Variants in MIB1 observed in about 807,000 individuals in gnomAD.
MIB1 encodes the protein E3 ubiquitin-protein ligase MIB1.
MIB1 carries 278 observed loss-of-function variants against 124.5 expected under a neutral mutation model. That is an observed-to-expected ratio of 2.23 (90% confidence interval 2.02 to 2.47). MIB1 has a LOEUF of 2.47. Ranked by LOEUF, MIB1 falls within the 30% of genes most tolerant of loss-of-function variation. The probability of loss-of-function intolerance (pLI) is 0.00; values close to 1 mark genes in which losing one functional copy is unlikely to be tolerated. For synonymous variants in MIB1, 446 were observed against 429.4 expected, an observed-to-expected ratio of 1.04 and a Z score of -0.48; for missense variants, 957 against 1,254.4, an observed-to-expected ratio of 0.76 and a Z score of 3.58.
Position 21,787,965 on chromosome 18 carries a change from G to A in MIB1, c.909-3409G>A, listed in dbSNP as rs538549310. ...TCCTCTTTTTCTCCCTTGTTACCTG[G>A]ATTAATTCCTCTACATCCTATAAAT... On this transcript the variant is annotated intron_variant, in intron 6 of 20. Transcript: ENST00000261537. Among the ~76,000 whole-genome samples the A allele has an allele frequency of 3.3e-5, 5 of 151,914 alleles. No individual in the cohort carries two copies. The South Asian group carries it at 1.0e-3, about 32-fold the overall frequency.
intron 1 of MIB1, among the ~76,000 whole-genome samples, chr18:21,758,726 G>A (rs1452315962): frequency 6.6e-6 from 1 of 152,070 alleles, no homozygotes; most frequent in African/African-American, 2.4e-5. Context: ...GTAGAGACAG[G>A]GTTTCACTAT....
chr18:21,717,801 T>G (rs978612496), intron 1 of MIB1, among the ~76,000 whole-genome samples: 2 of 152,234 alleles, frequency 1.3e-5, no homozygotes, highest in Admixed American at 1.3e-4. Flanking sequence ...CTGGTGGGAA[T>G]GTAAACTAGT....
Position 21,835,986 on chromosome 18 carries a change from TG to T in MIB1, c.1830-2378del, listed in dbSNP as rs1266955089. On this transcript the variant is annotated intron_variant, in intron 12 of 20. Transcript: ENST00000261537. ...TTTTTAGATTGGGCATGGTGGGTCA[TG>T]CTTGTAATCCCAGCACTTTGGGAGG... Among the ~76,000 whole-genome samples the T allele has an allele frequency of 9.9e-5, 15 of 151,456 alleles. No individual in the cohort carries two copies. The South Asian group carries it at 3.2e-3, about 32-fold the overall frequency.
chr18:21,760,379 GAAGTCAA>G (rs2041084503), intron 1 of MIB1, among the ~76,000 whole-genome samples: 1 of 152,058 alleles, frequency 6.6e-6, no homozygotes, highest in Non-Finnish European at 1.5e-5. Context: ...CTTTTGTTTT[GAAGTCAA>G]TTAATTGTAT....
chr18:21,817,583 G>T (rs939437785), intron 11 of MIB1: 1 of 344,694 alleles, frequency 2.9e-6, no homozygotes, highest in Non-Finnish European at 5.8e-6. Context: ...AATGGGTGTG[G>T]CTGTGTTCCA....
Position 21,858,654 on chromosome 18 carries a change from T to G in MIB1, c.2880+8T>G. ...CAAGACATTAAAGAGCAGGTAATAA[T>G]GATTTCATGTAAACAGTGATGCTGT... On this transcript the variant is annotated splice_region_variant and intron_variant, in intron 20 of 20. Coordinates refer to ENST00000261537, the MANE Select transcript of MIB1 (RefSeq NM_020774.4). 7.1e-7 allele frequency: 1 copy of G among 1,402,012 alleles called. No homozygotes were observed. The highest frequency in any genetic ancestry group is 1.0e-6 in the Non-Finnish European group (1 of 989,096). 86.8% of individuals were successfully genotyped at this position (1,402,012 alleles called of 1,614,324 possible). A position where few individuals can be genotyped will look rare whatever the true frequency, so the allele number is the denominator to read the frequency against.
upstream of MIB1, among the ~76,000 whole-genome samples, chr18:21,739,858 G>A (rs1335975404): frequency 6.6e-6 from 1 of 151,734 alleles, no homozygotes; most frequent in East Asian, 1.9e-4. Context: ...GAGGTTGCGG[G>A]GAACGGAGAT....
intron 1 of MIB1, among the ~76,000 whole-genome samples, chr18:21,757,451 CAAAAAAAA>C (rs1202189616): frequency 1.6e-3 from 21 of 13,280 alleles, no homozygotes; most frequent in African/African-American, 6.4e-3. Flanking sequence ...GACTCTGTCT[CAAAAAAAA>C]AAAAAAAAAA....
chr18:21,708,540 C>T (rs1247680221), intron 1 of MIB1, among the ~76,000 whole-genome samples: 1 of 152,076 alleles, frequency 6.6e-6, no homozygotes, highest in East Asian at 1.9e-4. Flanking sequence ...CTTGTAATCC[C>T]AGCTACTCAG....
At chr18:21,841,663 G>C (rs1294061730) in intron 13 of MIB1, among the ~76,000 whole-genome samples, 1 of 151,614 alleles carries the variant, frequency 6.6e-6, no homozygotes, top group East Asian at 1.9e-4. Flanking sequence ...ACAAATTGGT[G>C]GTTTCTTACA....
chr18:21,776,415 G>A (rs1433902214), intron 4 of MIB1, among the ~76,000 whole-genome samples: 1 of 152,156 alleles, frequency 6.6e-6, no homozygotes, highest in Non-Finnish European at 1.5e-5. Flanking sequence ...ACCTGCAGGT[G>A]CACATGTGCA....
chr18:21,791,890 A>G (rs183475024), intron 7 of MIB1, among the ~76,000 whole-genome samples: 2 of 152,360 alleles, frequency 1.3e-5, no homozygotes, highest in African/African-American at 4.8e-5. Context: ...GTGCTGGACC[A>G]GTGCAGCTTT....
intron 12 of MIB1, chr18:21,825,944 C>A (rs1055137791): frequency 1.3e-4 from 41 of 321,568 alleles, no homozygotes; most frequent in African/African-American, 6.8e-4. Flanking sequence ...TTTTCCTGCG[C>A]TTAATGGTTT....
chr18:21,797,849 G>T (rs1833121155), intron 7 of MIB1, among the ~76,000 whole-genome samples: 1 of 151,986 alleles, frequency 6.6e-6, no homozygotes, highest in Admixed American at 6.6e-5. Context: ...GTATGAATAG[G>T]ATAGACTTTA....
At chr18:21,731,942 G>A (rs751970444) in intron 1 of MIB1, among the ~76,000 whole-genome samples, 6 of 151,832 alleles carry the variant, frequency 4.0e-5, no homozygotes, top group African/African-American at 7.3e-5. Context: ...CCTAAAGAAC[G>A]GAGGGTACTG....
intron 18 of MIB1, among the ~76,000 whole-genome samples, chr18:21,854,037 AT>A (rs2042204811): frequency 1.3e-5 from 2 of 150,896 alleles, no homozygotes; most frequent in Admixed American, 1.3e-4. Context: ...AAAAAAAAAA[AT>A]TCCAATAGGC....
chr18:21,762,588 G>A (rs942137305), intron 1 of MIB1, among the ~76,000 whole-genome samples: 2 of 152,180 alleles, frequency 1.3e-5, no homozygotes, highest in Non-Finnish European at 2.9e-5. Context: ...TCTACACTGA[G>A]TGTATATTAA....
At chr18:21,758,569 C>G (rs529868012) in intron 1 of MIB1, among the ~76,000 whole-genome samples, 1 of 151,846 alleles carries the variant, frequency 6.6e-6, no homozygotes, top group Admixed American at 6.6e-5. Context: ...GAGTCTCACT[C>G]TGTCACCCAG....
At chr18:21,822,349 C>T (rs548517275) in intron 12 of MIB1, among the ~76,000 whole-genome samples, 1 of 152,176 alleles carries the variant, frequency 6.6e-6, no homozygotes, top group South Asian at 2.1e-4. Context: ...TAAGCCTATA[C>T]AAGGAAGAGA....
Sources: gnomAD v4.1 joint callset for allele counts (sites outside exome capture counted in the v4.1 genomes callset) on GRCh38, gnomAD v4.1.1 for gene constraint, MANE v1.5 for transcripts, NCBI Gene and HGNC (gene_info 2026-07-23, HGNC 2026-07-21) for gene names.